The following HMCN2 variants were observed in gnomAD, a reference collection of about 807,000 sequenced individuals.
HMCN2 encodes hemicentin 2.
In HMCN2, 325 loss-of-function variants were observed where a neutral mutation model predicts 377.5. The observed-to-expected ratio is 0.86, with a 90% CI of 0.79 to 0.94. The LOEUF is 0.94. Ranked by LOEUF, HMCN2 falls within the 40% of genes least tolerant of loss-of-function variation. HMCN2 has a pLI of 0.00. For missense variants in HMCN2, 4,543 were observed against 4,725.3 expected, an observed-to-expected ratio of 0.96 and a Z score of 1.13; for synonymous variants, 2,007 against 2,046.8, an observed-to-expected ratio of 0.98 and a Z score of 0.53.
intron 33 of HMCN2, 72 bp downstream of exon 33, chr9:130,355,926 A>C (rs1303914806): frequency 3.0e-6 from 3 of 1,012,642 alleles, no homozygotes; most frequent in East Asian, 1.2e-4. Flanking sequence ...TGTGGGGGGA[A>C]GTGGACAGGA....
intron 96 of HMCN2, among the ~76,000 whole-genome samples, chr9:130,432,220 G>C (rs754662364): frequency 6.6e-6 from 1 of 152,146 alleles, no homozygotes; most frequent in African/African-American, 2.4e-5. Context: ...CCACCTACAC[G>C]CCCTGGAAAG....
At position 130,356,136 on chromosome 9, in the gene HMCN2, G is replaced by C. The variant is rs369139268; in HGVS notation, c.5304G>C (p.Val1768=). ...RPAEELAGVQ[V]ASQGTTLHID... ...CCGAGGAGCTGGCTGGGGTGCAGGT[G>C]GCCTCGCAGGGGACCACACTGCACA... is the stretch of plus-strand genomic sequence containing the variant. Residue 1768 remains valine (V), a synonymous_variant, in exon 34 of 98, where the codon GTG becomes GTC. Transcript: ENST00000683500. The C allele has an allele frequency of 5.4e-6, 7 of 1,301,150 alleles. No homozygotes were observed. The African/African-American group carries it at 7.6e-5, about 14-fold the overall frequency. 80.6% of individuals were successfully genotyped at this position (1,301,150 alleles called of 1,614,324 possible).
At chr9:130,432,408 T>A (rs546588894) in intron 96 of HMCN2, 21 bp from the exon 97 acceptor site, 8 of 1,550,922 alleles carry the variant, frequency 5.2e-6, no homozygotes, top group Non-Finnish European at 7.0e-6. Context: ...CCTCCCCCGC[T>A]TCACCAACTT....
intron 30 of HMCN2, among the ~76,000 whole-genome samples, chr9:130,352,011 C>A (rs1839752720): frequency 6.6e-6 from 1 of 152,050 alleles, no homozygotes; most frequent in Non-Finnish European, 1.5e-5. Context: ...GGGGTTTCAC[C>A]ATGTTGGCCA....
intron 76 of HMCN2, 68 bp downstream of exon 76, chr9:130,399,700 C>G (rs1842776409): frequency 8.7e-7 from 1 of 1,146,074 alleles, no homozygotes; most frequent in Non-Finnish European, 1.1e-6. Flanking sequence ...CTTGGGTGCT[C>G]TCCCTGCCAG....
chr9:130,420,469 A>G (rs1843942465), intron 86 of HMCN2, among the ~76,000 whole-genome samples: 1 of 152,122 alleles, frequency 6.6e-6, no homozygotes, highest in South Asian at 2.1e-4. Flanking sequence ...GCTACTGGTA[A>G]AAAAACAAAA....
rs1241274913 is a variant in HMCN2, at chr9:130,385,765, G to A, written c.9309+3G>A. On this transcript the variant is annotated splice_donor_region_variant and intron_variant, in intron 60 of 97. Coordinates refer to ENST00000683500, the MANE Select transcript of HMCN2 (RefSeq NM_001291815.2). ...GGCTGGAGATCCAGGAAGCCCAGGTGAGCAACCCTGGGGGCACGGGCAGCC... is the reference window on the plus strand; with the variant it reads ...GGCTGGAGATCCAGGAAGCCCAGGTAAGCAACCCTGGGGGCACGGGCAGCC... 2 of 1,303,134 alleles carry A rather than the reference G, an allele frequency of 1.5e-6. No individual in the cohort carries two copies. 80.7% of individuals were successfully genotyped at this position (1,303,134 alleles called of 1,614,324 possible).
rs1389600199 is a variant in HMCN2 at position 130,385,747 on chromosome 9, G to T, written c.9294G>T (p.Glu3098Asp). ...TQALRGGQRL[E>D]IQEAQVSDKG... ...CTCTGCGGGGTGGGCAGAGGCTGGAGATCCAGGAAGCCCAGGTGAGCAACC... is the reference window on the plus strand; with the variant it reads ...CTCTGCGGGGTGGGCAGAGGCTGGATATCCAGGAAGCCCAGGTGAGCAACC... The change falls in exon 60 of 98, where the codon GAG (glutamate) becomes GAT (aspartate). Residue 3098 changes from glutamate to aspartate, a missense_variant. Transcript: ENST00000683500. The T allele has an allele frequency of 7.7e-7, 1 of 1,303,916 alleles. No homozygotes were observed. The highest frequency in any genetic ancestry group is 1.0e-6 in the Non-Finnish European group (1 of 988,872). 80.8% of individuals were successfully genotyped at this position (1,303,916 alleles called of 1,614,324 possible). A position where few individuals can be genotyped will look rare whatever the true frequency, so the allele number is the denominator to read the frequency against.
intron 23 of HMCN2, among the ~76,000 whole-genome samples, chr9:130,340,040 A>AG (rs1838964021): frequency 6.6e-6 from 1 of 152,276 alleles, no homozygotes; most frequent in Non-Finnish European, 1.5e-5. Context: ...CCCCTGAGGG[A>AG]GGGGGGCGAC....
Position 130,384,679 on chromosome 9 carries a change from C to G in HMCN2, c.8993-6C>G, listed in dbSNP as rs991069158. On this transcript the variant is annotated splice_polypyrimidine_tract_variant and splice_region_variant and intron_variant, in intron 58 of 97. Coordinates refer to ENST00000683500, the MANE Select transcript of HMCN2 (RefSeq NM_001291815.2). ...GCTGGTGTGAGGGGCTGGCTTCCCC[C>G]GGCAGGCACCCACACGCTGCAGCTG... The G allele has an allele frequency of 2.3e-6, 3 of 1,302,106 alleles. No homozygotes were observed. In the African/African-American group the frequency reaches 4.6e-5, roughly 20 times the overall value. The allele number at this position is 1,302,106 out of a possible 1,614,324, so 80.7% of individuals were successfully genotyped here. A position where few individuals can be genotyped will look rare whatever the true frequency, so the allele number is the denominator to read the frequency against.
chr9:130,274,840 C>T (rs1318477210), intron 1 of HMCN2, among the ~76,000 whole-genome samples: 1 of 152,186 alleles, frequency 6.6e-6, no homozygotes, highest in East Asian at 1.9e-4. Context: ...TTTAATGACT[C>T]TATAAGATGC....
intron 49 of HMCN2, 137 bp downstream of exon 49, chr9:130,374,830 A>G (rs937152425): frequency 8.2e-6 from 2 of 245,280 alleles, no homozygotes; most frequent in African/African-American, 2.3e-5. Context: ...AACAAAAATC[A>G]TATAGCGACT....
rs12380247 is a variant in HMCN2, at chr9:130,351,999, G to A, written c.4585+422G>A. On this transcript the variant is annotated intron_variant, in intron 30 of 97. Transcript: ENST00000683500. The surrounding 1 kb of genome is among the most constrained non-coding windows in gnomAD (Gnocchi z 5.4). ...GTTCATTTTTGTATTTTTAGTAGAG[G>A]TGGGGTTTCACCATGTTGGCCAGGC... is the stretch of plus-strand genomic sequence containing the variant. Among the ~76,000 whole-genome samples the A allele has an allele frequency of 0.27, 40,973 of 151,544 alleles. 5,861 individuals are homozygous for A. The highest frequency in any genetic ancestry group is 0.41 in the East Asian group (2,106 of 5,138).
In HMCN2 at chr9:130,375,975, A is replaced by G; in HGVS notation, c.7904A>G (p.His2635Arg). The G allele has an allele frequency of 4.1e-6, 4 of 985,048 alleles. No individual in the cohort carries two copies. The highest frequency in any genetic ancestry group is 4.8e-6 in the Non-Finnish European group (4 of 829,304). 61.0% of individuals were successfully genotyped at this position (985,048 alleles called of 1,614,324 possible). A position where few individuals can be genotyped will look rare whatever the true frequency, so the allele number is the denominator to read the frequency against. ...CTCGGGGAGGCCGTGAAAAACTACC[A>G]TGTGGAAGTGCTCAGTGAGTCGGGG... ...NELGEAVKNYHVEVLIPPSIS... is the reference protein window; with the variant it reads ...NELGEAVKNYRVEVLIPPSIS... Residue 2635 changes from histidine (H) to arginine (R), a missense_variant, in exon 51 of 98, where the codon CAT becomes CGT. This residue lies in a region of HMCN2 where 736 missense variants were observed against 773.2 expected (regional missense o/e 0.95). Coordinates refer to ENST00000683500, the MANE Select transcript of HMCN2 (RefSeq NM_001291815.2).
intron 1 of HMCN2, among the ~76,000 whole-genome samples, chr9:130,277,763 T>TCAC (rs1318146261): frequency 2.4e-5 from 1 of 41,998 alleles, no homozygotes; most frequent in Non-Finnish European, 5.0e-5. Flanking sequence ...ATCATCATCA[T>TCAC]CACCACCACC....
Position 130,410,627 on chromosome 9 carries a change from G to A in HMCN2, c.12936G>A (p.Lys4312=). 1 of 1,550,642 alleles carries A rather than the reference G, an allele frequency of 6.4e-7. No individual in the cohort carries two copies. Among genetic ancestry groups the A allele is most frequent in the South Asian group, 1.2e-5 (1 of 84,064 alleles). The part of the protein sequence containing the change: ...CLAENEMGVA[K]KVVILVLQSA... ...CAGAGAATGAGATGGGCGTGGCGAA[G>A]AAAGTGGTGATCCTCGTCCTGCAGA... is the stretch of plus-strand genomic sequence containing the variant. Residue 4312 remains lysine (K), a synonymous_variant, in exon 85 of 98, where the codon AAG becomes AAA. Transcript: ENST00000683500.
chr9:130,292,610 T>C lies in HMCN2; in HGVS notation c.613-2245T>C, dbSNP rs1280199924. Among the ~76,000 whole-genome samples, 8 of 152,246 alleles carry C rather than the reference T, an allele frequency of 5.3e-5. 1 individual carries two copies. Among genetic ancestry groups the C allele is most frequent in the African/African-American group, 1.9e-4 (8 of 41,466 alleles). On this transcript the variant is annotated intron_variant, in intron 4 of 97. Transcript: ENST00000683500. ...GTTTTGAATTTTGCTTTCTCTTTTT[T>C]GAGTATCATTATGTGCACATGGATT...
At chr9:130,324,490 C>T (rs1023502634) in intron 19 of HMCN2, among the ~76,000 whole-genome samples, 2 of 152,190 alleles carry the variant, frequency 1.3e-5, no homozygotes, top group Admixed American at 6.5e-5. Context: ...CCCACCAGGG[C>T]GGCCCGTTGT....
At chr9:130,349,244 A>G (rs1839563944) in intron 28 of HMCN2, 113 bp downstream of exon 28, 2 of 1,111,930 alleles carry the variant, frequency 1.8e-6, no homozygotes, top group Non-Finnish European at 2.4e-6. Context: ...CAGGGGGCAC[A>G]GAGGGACCCA....
Sources: allele counts gnomAD v4.1 joint callset (sites outside exome capture counted in the v4.1 genomes callset), GRCh38; gene constraint gnomAD v4.1.1; regional missense constraint gnomAD v4.1.1; non-coding constraint Gnocchi (gnomAD v3.1); transcripts MANE v1.5; gene names NCBI Gene and HGNC (gene_info 2026-07-23, HGNC 2026-07-21).